MALT1: variants seen among roughly 807,000 people sequenced by gnomAD.
MALT1 encodes MALT1 paracaspase.
In MALT1, 36 loss-of-function variants were observed where a neutral mutation model predicts 85.5. The observed-to-expected ratio is 0.42, with a 90% confidence interval of 0.32 to 0.56. The LOEUF (loss-of-function observed/expected upper bound fraction) is 0.56. Ranked by LOEUF, MALT1 falls within the 20% of genes least tolerant of loss-of-function variation. MALT1 has a pLI of 0.10. For missense variants in MALT1, 716 were observed against 981.6 expected (o/e 0.73, Z 3.62); for synonymous variants, 359 against 361.3 (o/e 0.99, Z 0.07).
intron 4 of MALT1, among the ~76,000 whole-genome samples, chr18:58,700,834 T>C (rs1301150577): frequency 6.6e-6 from 1 of 152,170 alleles, no homozygotes; most frequent in Non-Finnish European, 1.5e-5. Flanking sequence ...TTGCCCAGGC[T>C]GGAGTGCAGT....
intron 2 of MALT1, 102 bp from the exon 3 acceptor site, chr18:58,696,263 TG>T: frequency 1.1e-6 from 1 of 924,934 alleles, no homozygotes; most frequent in Admixed American, 3.9e-5. Context: ...AAGATAAATA[TG>T]CAAGTTATTT....
chr18:58,677,111 TAAAAA>T (rs1446619938), intron 1 of MALT1, among the ~76,000 whole-genome samples: 1 of 152,092 alleles, frequency 6.6e-6, no homozygotes, highest in Non-Finnish European at 1.5e-5. Flanking sequence ...GAATGTAACT[TAAAAA>T]GGAAAGAAAG....
intron 6 of MALT1, among the ~76,000 whole-genome samples, chr18:58,710,712 TAAC>T (rs1393279001): frequency 6.6e-6 from 1 of 152,188 alleles, no homozygotes; most frequent in Admixed American, 6.5e-5. Flanking sequence ...GAAAGGTTAT[TAAC>T]AATCCCATTC....
intron 10 of MALT1, among the ~76,000 whole-genome samples, chr18:58,724,131 T>C (rs2055021796): frequency 6.6e-6 from 1 of 152,234 alleles, no homozygotes; most frequent in African/African-American, 2.4e-5. Context: ...TTTAATAATT[T>C]CTGAATTTAC....
intron 16 of MALT1, among the ~76,000 whole-genome samples, chr18:58,746,876 C>T (rs2055374943): frequency 6.6e-6 from 1 of 152,044 alleles, no homozygotes; most frequent in Non-Finnish European, 1.5e-5. Context: ...TACAGGCGCA[C>T]ACCACCATGC....
At position 58,751,535 on chromosome 18, in the gene MALT1, TTTA is replaced by T. The variant is rs1286726335; in HGVS notation, c.*3694_*3696del. On this transcript the variant is annotated 3_prime_UTR_variant, in exon 17 of 17. Coordinates refer to ENST00000649217, the MANE Select transcript of MALT1 (RefSeq NM_006785.4). ...TTTTTAAAAAATCTAAACATGTAAT[TTTA>T]AAACGGGCTTAAGAAGAATGATAAC... 1 of 152,200 alleles carries T rather than the reference TTTA, an allele frequency of 6.6e-6. No homozygotes were observed. The highest frequency in any genetic ancestry group is 6.5e-5 in the Admixed American group (1 of 15,280). 9.4% of individuals were successfully genotyped at this position (152,200 alleles called of 1,614,324 possible). A position where few individuals can be genotyped will look rare whatever the true frequency, so the allele number is the denominator to read the frequency against.
At chr18:58,714,399 T>TAATG (rs1011141100) in intron 8 of MALT1, among the ~76,000 whole-genome samples, 4 of 152,274 alleles carry the variant, frequency 2.6e-5, no homozygotes, top group Admixed American at 2.0e-4. Flanking sequence ...ACAAGGAAGT[T>TAATG]AATGGGGGAA....
intron 2 of MALT1, among the ~76,000 whole-genome samples, chr18:58,689,810 T>A (rs1270871692): frequency 6.6e-6 from 1 of 152,102 alleles, no homozygotes; most frequent in Non-Finnish European, 1.5e-5. Flanking sequence ...GGGGTGGCGG[T>A]TGCGGGGGAT....
intron 1 of MALT1, among the ~76,000 whole-genome samples, chr18:58,679,518 A>G (rs80077775): frequency 0.13 from 19,316 of 152,284 alleles, 1,961 homozygotes; most frequent in African/African-American, 0.29. Flanking sequence ...GGTCCCTGCA[A>G]TAGGATATTT....
intron 7 of MALT1, 113 bp downstream of exon 7, chr18:58,711,066 G>GA: frequency 1.7e-6 from 1 of 589,498 alleles, no homozygotes; most frequent in Non-Finnish European, 2.9e-6. Flanking sequence ...CTAGCTGTAA[G>GA]AAATGATTTT....
At chr18:58,740,431 T>G (rs1270119008) in intron 13 of MALT1, among the ~76,000 whole-genome samples, 1 of 152,138 alleles carries the variant, frequency 6.6e-6, no homozygotes, top group Non-Finnish European at 1.5e-5. Context: ...AATTTAAGTT[T>G]CTAAGGCTTT....
At chr18:58,744,551 A>G in intron 15 of MALT1, 56 bp downstream of exon 15, 3 of 1,125,866 alleles carry the variant, frequency 2.7e-6, no homozygotes, top group Non-Finnish European at 3.7e-6. Context: ...ATTAAAGACT[A>G]AATTTTTTAA....
intron 1 of MALT1, among the ~76,000 whole-genome samples, chr18:58,680,074 G>A (rs1043562628): frequency 3.3e-5 from 5 of 152,024 alleles, no homozygotes; most frequent in Admixed American, 1.3e-4. Flanking sequence ...CAGTACAAAA[G>A]GGGTTATAGT....
chr18:58,735,757 T>G (rs1396045353), intron 13 of MALT1, among the ~76,000 whole-genome samples: 1 of 152,028 alleles, frequency 6.6e-6, no homozygotes, highest in Non-Finnish European at 1.5e-5. Flanking sequence ...TTACAGAAAT[T>G]TTTAGACACT....
chr18:58,743,495 T>C (rs796330108), intron 14 of MALT1, among the ~76,000 whole-genome samples: 1 of 151,850 alleles, frequency 6.6e-6, no homozygotes, highest in African/African-American at 2.4e-5. Flanking sequence ...TAATTGAATG[T>C]CTTTTCTCTA....
chr18:58,747,930 AT>A lies in MALT1; in HGVS notation c.*91del. The A allele has an allele frequency of 3.0e-6, 3 of 991,644 alleles. No homozygotes were observed. Among genetic ancestry groups the A allele is most frequent in the Non-Finnish European group, 4.6e-6 (3 of 654,416 alleles). 61.4% of individuals were successfully genotyped at this position (991,644 alleles called of 1,614,324 possible). A position where few individuals can be genotyped will look rare whatever the true frequency, so the allele number is the denominator to read the frequency against. ...AAAGTGAGACATTGTGAAAAGGCAA[AT>A]TTGTATATGTAGAGAAAGAATAGTA... is the stretch of plus-strand genomic sequence containing the variant. On this transcript the variant is annotated 3_prime_UTR_variant, in exon 17 of 17. Transcript: ENST00000649217.
chr18:58,689,425 T>C (rs2054461698), intron 2 of MALT1, among the ~76,000 whole-genome samples: 1 of 136,464 alleles, frequency 7.3e-6, no homozygotes, highest in Non-Finnish European at 1.6e-5. Flanking sequence ...TGTAAAGCAG[T>C]CAGTAACTTG....
At chr18:58,734,800 A>G (rs1360738203) in intron 12 of MALT1, among the ~76,000 whole-genome samples, 1 of 152,238 alleles carries the variant, frequency 6.6e-6, no homozygotes, top group African/African-American at 2.4e-5. Flanking sequence ...TGAGAGGCAG[A>G]AGAGAAAATG....
At chr18:58,713,487 G>A (rs192863174) in intron 7 of MALT1, among the ~76,000 whole-genome samples, 30 of 151,722 alleles carry the variant, frequency 2.0e-4, no homozygotes, top group Admixed American at 1.8e-3. Context: ...TCACAGACAA[G>A]GAACACCTGA....
Sources: gnomAD v4.1 joint callset for allele counts (sites outside exome capture counted in the v4.1 genomes callset) on GRCh38, gnomAD v4.1.1 for gene constraint, MANE v1.5 for transcripts, NCBI Gene and HGNC (gene_info 2026-07-23, HGNC 2026-07-21) for gene names.